The following GARRE1 variants were observed in gnomAD, a reference collection of about 807,000 sequenced individuals.
The protein encoded by GARRE1 is granule associated Rac and RHOG effector protein 1.
Under a neutral mutation model 103.2 loss-of-function variants are expected in GARRE1, and 49 were observed. The observed-to-expected ratio is 0.47, with a 90% CI of 0.38 to 0.60. The LOEUF is 0.60. GARRE1 is among the 20% of genes least tolerant of loss of function. GARRE1 has a pLI of 0.00. For synonymous variants in GARRE1, 505 were observed against 532.8 expected, an observed-to-expected ratio of 0.95 and a Z score of 0.72; for missense variants, 1,199 against 1,370.5, an observed-to-expected ratio of 0.87 and a Z score of 1.98.
intron 6 of GARRE1, among the ~76,000 whole-genome samples, chr19:34,329,416 C>T (rs34792610): frequency 3.3e-5 from 5 of 152,076 alleles, no homozygotes; most frequent in Non-Finnish European, 5.9e-5. Context: ...TATAGAAATA[C>T]CTGTGTATAT....
At chr19:34,288,770 A>G (rs1384716369) in intron 1 of GARRE1, among the ~76,000 whole-genome samples, 7 of 152,242 alleles carry the variant, frequency 4.6e-5, no homozygotes, top group East Asian at 1.9e-4. Flanking sequence ...CATGGGAGAC[A>G]TAAGTTCTAG....
intron 2 of GARRE1, among the ~76,000 whole-genome samples, chr19:34,301,944 A>C (rs1304663212): frequency 6.8e-6 from 1 of 146,116 alleles, no homozygotes; most frequent in Non-Finnish European, 1.5e-5. Context: ...TGGTCTCCCA[A>C]AGTGTTGGGA....
chr19:34,281,725 C>A (rs184245673), intron 1 of GARRE1, among the ~76,000 whole-genome samples: 63 of 151,890 alleles, frequency 4.1e-4, no homozygotes, highest in African/African-American at 1.5e-3. Context: ...GGCCGAAACA[C>A]AATTTTAAAC....
chr19:34,323,158 C>G (rs559702222), intron 3 of GARRE1, among the ~76,000 whole-genome samples: 1 of 150,444 alleles, frequency 6.6e-6, no homozygotes, highest in African/African-American at 2.4e-5. Context: ...CAGCCTCCCG[C>G]GTAGCTGGGA....
intron 1 of GARRE1, among the ~76,000 whole-genome samples, chr19:34,256,952 A>G (rs1197188454): frequency 1.3e-5 from 2 of 152,122 alleles, no homozygotes; most frequent in African/African-American, 4.8e-5. Flanking sequence ...TGCTGACAAG[A>G]TAACAAACTC....
intron 1 of GARRE1, among the ~76,000 whole-genome samples, chr19:34,288,739 C>T (rs2073900889): frequency 6.6e-6 from 1 of 152,210 alleles, no homozygotes; most frequent in Admixed American, 6.5e-5. Context: ...TTTTGACTTT[C>T]TTTTTCTGTG....
At chr19:34,298,713 AAAT>A (rs67913728) in intron 1 of GARRE1, among the ~76,000 whole-genome samples, 14,468 of 152,114 alleles carry the variant, frequency 0.095, 1,067 homozygotes, top group African/African-American at 0.2. Context: ...ATCTCAAAAA[AAAT>A]AATAATAATA....
At chr19:34,269,068 C>A (rs992764764) in intron 1 of GARRE1, among the ~76,000 whole-genome samples, 1 of 152,056 alleles carries the variant, frequency 6.6e-6, no homozygotes, top group Admixed American at 6.6e-5. Context: ...GTTGACCTTG[C>A]GGTTAGAAAA....
chr19:34,338,228 GT>G (rs1221822851), intron 8 of GARRE1, among the ~76,000 whole-genome samples: 2 of 152,142 alleles, frequency 1.3e-5, no homozygotes, highest in African/African-American at 2.4e-5. Context: ...TGCTCAGACT[GT>G]TTTCCCTCTC....
At chr19:34,275,540 T>G (rs1259023872) in intron 1 of GARRE1, among the ~76,000 whole-genome samples, 2 of 152,194 alleles carry the variant, frequency 1.3e-5, no homozygotes, top group African/African-American at 4.8e-5. Context: ...TCAAGGTTCA[T>G]CCATGTATCA....
intron 2 of GARRE1, among the ~76,000 whole-genome samples, chr19:34,306,246 C>T (rs550451947): frequency 4.9e-4 from 74 of 152,328 alleles, no homozygotes; most frequent in African/African-American, 1.8e-3. Context: ...CCAGGCAAGG[C>T]CTCTACTCAG....
chr19:34,280,333 G>C (rs1647161732), intron 1 of GARRE1, among the ~76,000 whole-genome samples: 1 of 152,196 alleles, frequency 6.6e-6, no homozygotes, highest in Admixed American at 6.5e-5. Context: ...TAGTGATGTT[G>C]AGCATCTTTT....
chr19:34,350,584 CTTTT>C (rs1231706476), intron 12 of GARRE1, among the ~76,000 whole-genome samples: 1 of 152,052 alleles, frequency 6.6e-6, no homozygotes, highest in Non-Finnish European at 1.5e-5. Context: ...GTATCTCTCT[CTTTT>C]TTTGTTTTTT....
rs1350660582 is a variant in GARRE1 at position 34,353,631 on chromosome 19, T to C, written c.*676T>C. Reference sequence around the variant, plus strand: ...AGTTCCTCGCCACCCAGCAGCACCCTGGGACTGCGGCCTTTCCCAGCTTTA... The same window carrying C: ...AGTTCCTCGCCACCCAGCAGCACCCCGGGACTGCGGCCTTTCCCAGCTTTA... On this transcript the variant is annotated 3_prime_UTR_variant, in exon 14 of 14. Coordinates refer to ENST00000299505, the MANE Select transcript of GARRE1 (RefSeq NM_014686.5). 2 of 152,286 alleles carry C rather than the reference T, an allele frequency of 1.3e-5. No homozygotes were observed. The highest frequency in any genetic ancestry group is 4.8e-5 in the African/African-American group (2 of 41,470). 9.4% of individuals were successfully genotyped at this position (152,286 alleles called of 1,614,324 possible).
At chr19:34,318,094 G>A (rs1188233251) in intron 2 of GARRE1, among the ~76,000 whole-genome samples, 1 of 152,160 alleles carries the variant, frequency 6.6e-6, no homozygotes, top group Non-Finnish European at 1.5e-5. Flanking sequence ...GCGGTTTTTT[G>A]TTTGCTTTAG....
chr19:34,257,580 T>A (rs2073682354), intron 1 of GARRE1, among the ~76,000 whole-genome samples: 1 of 152,218 alleles, frequency 6.6e-6, no homozygotes, highest in South Asian at 2.1e-4. Flanking sequence ...AAAATGTTGG[T>A]TTAGATAAGG....
At chr19:34,294,019 C>T (rs936519126) in intron 1 of GARRE1, among the ~76,000 whole-genome samples, 5 of 151,950 alleles carry the variant, frequency 3.3e-5, no homozygotes, top group Non-Finnish European at 7.4e-5. Context: ...GCCTCAGCCT[C>T]CCAAAGTGCT....
chr19:34,262,315 T>TTTTTTTTTTTTTTTGG (rs1180314605), intron 1 of GARRE1, among the ~76,000 whole-genome samples: 2 of 143,836 alleles, frequency 1.4e-5, no homozygotes, highest in Non-Finnish European at 1.5e-5. Flanking sequence ...TTTTTTTTTT[T>TTTTTTTTTTTTTTTGG]GAGGCGGAGT....
intron 6 of GARRE1, among the ~76,000 whole-genome samples, chr19:34,328,422 G>A (rs1287341359): frequency 2.6e-5 from 4 of 151,388 alleles, no homozygotes; most frequent in South Asian, 2.1e-4. Context: ...CCAGCTGTTC[G>A]GGAAGCTGAG....
Sources: gnomAD v4.1 joint callset for allele counts (sites outside exome capture counted in the v4.1 genomes callset) on GRCh38, gnomAD v4.1.1 for gene constraint, MANE v1.5 for transcripts, NCBI Gene and HGNC (gene_info 2026-07-23, HGNC 2026-07-21) for gene names.